The following FNDC3A variants were observed in gnomAD, a reference collection of about 807,000 sequenced individuals.
The protein encoded by FNDC3A is fibronectin type III domain containing 3A, also known as fibronectin type-III domain-containing protein 3A.
FNDC3A carries 32 observed loss-of-function variants against 148.9 expected under a neutral mutation model. The ratio of observed to expected loss-of-function variants is 0.21; its 90% CI spans 0.16 to 0.29. FNDC3A has a LOEUF of 0.29. FNDC3A is among the 10% of genes least tolerant of loss of function. The pLI is 1.00. For missense variants in FNDC3A, 1,191 were observed against 1,452.8 expected, an observed-to-expected ratio of 0.82 and a Z score of 2.93; for synonymous variants, 472 against 473.6, an observed-to-expected ratio of 1.00 and a Z score of 0.04.
rs1263229706 is a variant in FNDC3A, at chr13:49,185,957, A to G, written c.1618-7A>G. 1.2e-6 allele frequency: 2 copies of G among 1,606,594 alleles called. No individual in the cohort carries two copies. Among genetic ancestry groups the G allele is most frequent in the Non-Finnish European group, 1.7e-6 (2 of 1,174,302 alleles). On this transcript the variant is annotated splice_polypyrimidine_tract_variant and splice_region_variant and intron_variant, in intron 14 of 25. Transcript: ENST00000492622. ...TATTATTTAATGTCTTTCTGTTCTC[A>G]TCACAGGTTATTGCTTACAACTCAG...
chr13:49,199,734 G>A (rs145554985), intron 23 of FNDC3A, among the ~76,000 whole-genome samples: 1 of 152,164 alleles, frequency 6.6e-6, no homozygotes, highest in Non-Finnish European at 1.5e-5. Context: ...GGGCCTGCAC[G>A]CTAAATGAAT....
At chr13:49,140,514 G>A (rs1593648751) in intron 7 of FNDC3A, among the ~76,000 whole-genome samples, 1 of 152,150 alleles carries the variant, frequency 6.6e-6, no homozygotes, top group African/African-American at 2.4e-5. Context: ...TTTGAATGCC[G>A]ATTCCTCTTT....
intron 3 of FNDC3A, among the ~76,000 whole-genome samples, chr13:49,086,618 T>C (rs577362503): frequency 2.0e-5 from 3 of 152,334 alleles, no homozygotes; most frequent in Admixed American, 1.3e-4. Context: ...CCACATGTAG[T>C]AGATTTTTAT....
At chr13:49,091,131 A>G (rs1349343883) in intron 3 of FNDC3A, among the ~76,000 whole-genome samples, 2 of 152,162 alleles carry the variant, frequency 1.3e-5, no homozygotes, top group African/African-American at 4.8e-5. Flanking sequence ...AAATCAGAAC[A>G]ATAACAAAAA....
intron 2 of FNDC3A, chr13:49,045,029 C>G (rs566495729): frequency 1.1e-4 from 32 of 285,086 alleles, no homozygotes; most frequent in South Asian, 9.6e-4. Flanking sequence ...TTTCTCCTTT[C>G]CCTTTCCTTT....
intron 1 of FNDC3A, among the ~76,000 whole-genome samples, chr13:48,992,102 A>G (rs1951931557): frequency 6.6e-6 from 1 of 152,226 alleles, no homozygotes; most frequent in South Asian, 2.1e-4. Context: ...AACCATCACA[A>G]GTTGGGGATT....
intron 23 of FNDC3A, among the ~76,000 whole-genome samples, chr13:49,200,193 C>T (rs4576967): frequency 1 from 151,680 of 152,342 alleles, 75,515 homozygotes; most frequent in Middle Eastern, 1. Context: ...ATTTACTTTT[C>T]TGTGTTGTTT....
At chr13:49,065,688 A>G (rs1046452509) in intron 2 of FNDC3A, among the ~76,000 whole-genome samples, 6 of 152,224 alleles carry the variant, frequency 3.9e-5, no homozygotes, top group African/African-American at 1.2e-4. Flanking sequence ...AAAGATAAAC[A>G]TAATGGTTTT....
intron 3 of FNDC3A, among the ~76,000 whole-genome samples, chr13:49,111,268 GAC>G (rs906728200): frequency 2.0e-5 from 3 of 152,114 alleles, no homozygotes; most frequent in Non-Finnish European, 4.4e-5. Flanking sequence ...CGCTACTATA[GAC>G]ACAGGAGTAA....
chr13:49,093,845 GC>G (rs759815515), intron 3 of FNDC3A, among the ~76,000 whole-genome samples: 2 of 152,112 alleles, frequency 1.3e-5, no homozygotes, highest in African/African-American at 2.4e-5. Context: ...ATCAAAAAGT[GC>G]CATTTAGCTT....
intron 3 of FNDC3A, among the ~76,000 whole-genome samples, chr13:49,077,927 A>G (rs1878225278): frequency 2.0e-5 from 3 of 152,222 alleles, no homozygotes; most frequent in Admixed American, 6.5e-5. Context: ...TGTGATAAGC[A>G]TTACCTGTCT....
chr13:49,045,907 T>C, intron 2 of FNDC3A: 1 of 230,550 alleles, frequency 4.3e-6, no homozygotes, highest in South Asian at 1.1e-4. Flanking sequence ...CTAGAGAAGT[T>C]TTTATCAGGG....
At position 49,207,770 on chromosome 13, in the gene FNDC3A, G is replaced by C. The variant is rs1391227755; in HGVS notation, c.*375G>C. 3 of 162,410 alleles carry C rather than the reference G, an allele frequency of 1.8e-5. No homozygotes were observed. The highest frequency in any genetic ancestry group is 7.2e-5 in the African/African-American group (3 of 41,648). 10.1% of individuals were successfully genotyped at this position (162,410 alleles called of 1,614,324 possible). A position where few individuals can be genotyped will look rare whatever the true frequency, so the allele number is the denominator to read the frequency against. On this transcript the variant is annotated 3_prime_UTR_variant, in exon 26 of 26. Transcript: ENST00000492622. The stretch of plus-strand genomic sequence containing the variant: ...TGTTTGTTTTAAAGATTATTACCAA[G>C]TGAAAAATTCAGAATGAATAGAATT...
chr13:49,159,327 G>A (rs1010278991), intron 8 of FNDC3A, among the ~76,000 whole-genome samples: 1 of 152,086 alleles, frequency 6.6e-6, no homozygotes, highest in Non-Finnish European at 1.5e-5. Flanking sequence ...CCTTGAAGAG[G>A]TCCTTCACAT....
At chr13:49,199,066 G>A (rs1402036616) in intron 23 of FNDC3A, among the ~76,000 whole-genome samples, 1 of 151,886 alleles carries the variant, frequency 6.6e-6, no homozygotes, top group African/African-American at 2.4e-5. Flanking sequence ...TGTCACCCAG[G>A]CTGGCCTCCA....
rs574110965 is a variant in FNDC3A, at chr13:49,163,759, T to C, written c.978-3485T>C. Among the ~76,000 whole-genome samples, 37 of 152,348 alleles carry C rather than the reference T, an allele frequency of 2.4e-4. 1 individual carries two copies. The South Asian group carries it at 6.8e-3, about 28-fold the overall frequency. On this transcript the variant is annotated intron_variant, in intron 8 of 25. Coordinates refer to ENST00000492622, the MANE Select transcript of FNDC3A (RefSeq NM_001079673.2). ...GACTGGAGCTGTTCCTATTCGGCCATCTTGGATCAGCCTCCTTAAGTAGAA... is the reference window on the plus strand; with the variant it reads ...GACTGGAGCTGTTCCTATTCGGCCACCTTGGATCAGCCTCCTTAAGTAGAA...
intron 8 of FNDC3A, among the ~76,000 whole-genome samples, chr13:49,155,356 G>A (rs1229100592): frequency 6.6e-6 from 1 of 151,156 alleles, no homozygotes; most frequent in Admixed American, 6.6e-5. Context: ...TGTGGGATCA[G>A]TGGTGATATC....
chr13:49,150,764 G>A (rs1297685085), intron 8 of FNDC3A, among the ~76,000 whole-genome samples: 1 of 151,998 alleles, frequency 6.6e-6, no homozygotes, highest in African/African-American at 2.4e-5. Flanking sequence ...GGCCAACATG[G>A]TGAAATCCCG....
intron 23 of FNDC3A, among the ~76,000 whole-genome samples, chr13:49,200,266 C>A (rs1479564935): frequency 1.3e-5 from 2 of 152,138 alleles, no homozygotes; most frequent in Non-Finnish European, 2.9e-5. Flanking sequence ...CACTCTCTAT[C>A]AGAAATACTT....
Sources: allele counts gnomAD v4.1 joint callset (sites outside exome capture counted in the v4.1 genomes callset), GRCh38; gene constraint gnomAD v4.1.1; transcripts MANE v1.5; gene names NCBI Gene and HGNC (gene_info 2026-07-23, HGNC 2026-07-21).